Variants in CEP85L observed in about 807,000 individuals in gnomAD.
CEP85L encodes the protein centrosomal protein 85L, also known as centrosomal protein of 85 kDa-like.
CEP85L carries 60 observed loss-of-function variants against 100.3 expected under a neutral mutation model. The ratio of observed to expected loss-of-function variants is 0.60; its 90% CI spans 0.49 to 0.74. The LOEUF (loss-of-function observed/expected upper bound fraction) is 0.74. Among genes scored for constraint, CEP85L ranks in the 30% least tolerant of loss-of-function variants. CEP85L has a pLI of 0.00. For synonymous variants in CEP85L, 319 were observed against 322.7 expected (o/e 0.99, Z 0.12); for missense variants, 973 against 936.2 (o/e 1.04, Z -0.51).
In CEP85L at chr6:118,464,511, A is replaced by G. The variant is rs1262316534; in HGVS notation, c.*894T>C. 1 of 152,088 alleles carries G rather than the reference A, an allele frequency of 6.6e-6. No individual in the cohort carries two copies. The highest frequency in any genetic ancestry group is 1.5e-5 in the Non-Finnish European group (1 of 67,976). The allele number at this position is 152,088 out of a possible 1,614,324, so 9.4% of individuals were successfully genotyped here. A position where few individuals can be genotyped will look rare whatever the true frequency, so the allele number is the denominator to read the frequency against. The stretch of plus-strand genomic sequence containing the variant: ...ATTTGGATAAGTAAGCTATTGTTCC[A>G]GGGTAACTTTGTTAATCTTCCTTTT... On this transcript the variant is annotated 3_prime_UTR_variant, in exon 13 of 13. Transcript: ENST00000368491.
rs543930105 is a variant in CEP85L, at chr6:118,494,043, G to C, written c.1258-2178C>G. 2.0e-5 allele frequency among the ~76,000 whole-genome samples: 3 copies of C among 152,242 alleles called. No homozygotes were observed. In the South Asian group the frequency reaches 6.2e-4, roughly 32 times the overall value. On this transcript the variant is annotated intron_variant, in intron 5 of 12. Transcript: ENST00000368491. ...CTTCTAAAGTCTGTGAGAGAAATGA[G>C]GTTACAGGGCAAACTGCTGCCTCCA...
chr6:118,590,492 T>C (rs998779142), intron 2 of CEP85L, among the ~76,000 whole-genome samples: 1 of 152,172 alleles, frequency 6.6e-6, no homozygotes, highest in Non-Finnish European at 1.5e-5. Context: ...CATAGCCCCC[T>C]GCATTTGCAT....
chr6:118,464,601 T>C lies in CEP85L; in HGVS notation c.*804A>G, dbSNP rs184261187. The C allele has an allele frequency of 2.7e-3, 406 of 151,850 alleles. 3 individuals carry two copies. Among genetic ancestry groups the C allele is most frequent in the African/African-American group, 9.5e-3 (392 of 41,474 alleles). The allele number at this position is 151,850 out of a possible 1,614,324, so 9.4% of individuals were successfully genotyped here. ...TTGTTTACATTTATATATGTATATA[T>C]ATAAAACATATAAATAAAAAATTGT... On this transcript the variant is annotated 3_prime_UTR_variant, in exon 13 of 13. Coordinates refer to ENST00000368491, the MANE Select transcript of CEP85L (RefSeq NM_001042475.3).
intron 3 of CEP85L, among the ~76,000 whole-genome samples, chr6:118,563,442 G>C (rs372495394): frequency 4.0e-4 from 61 of 152,160 alleles, no homozygotes; most frequent in African/African-American, 1.4e-3. Context: ...GGTTTTATTA[G>C]ATTATGACTT....
intron 1 of CEP85L, among the ~76,000 whole-genome samples, chr6:118,708,442 A>T (rs994419695): frequency 3.9e-5 from 6 of 152,264 alleles, no homozygotes; most frequent in Admixed American, 6.5e-5. Flanking sequence ...AAGATAACCC[A>T]TAAACTTTTC....
chr6:118,670,436 T>TTTGTTG (rs758673599), intron 1 of CEP85L, among the ~76,000 whole-genome samples: 62 of 151,918 alleles, frequency 4.1e-4, no homozygotes, highest in Non-Finnish European at 7.5e-4. Context: ...TGTGTTTCCT[T>TTTGTTG]TTGTTGTTGT....
intron 5 of CEP85L, among the ~76,000 whole-genome samples, chr6:118,493,051 A>G (rs755044873): frequency 2.0e-5 from 3 of 152,168 alleles, no homozygotes; most frequent in Non-Finnish European, 4.4e-5. Context: ...TGAATATGGT[A>G]GCCAAATAAA....
In CEP85L at chr6:118,523,902, G is replaced by A. The variant is rs533727346; in HGVS notation, c.1039C>T (p.Arg347Cys). 1.4e-5 allele frequency: 22 copies of A among 1,592,410 alleles called. No individual in the cohort carries two copies. The highest frequency in any genetic ancestry group is 6.7e-5 in the African/African-American group (5 of 74,444). The change falls in exon 4 of 13, where the codon CGT becomes TGT. Residue 347 changes from arginine (R) to cysteine (C), a missense_variant. Transcript: ENST00000368491. ...TPMQVLTGSS[R>C]QSYSPGYQDF... ...TGATAGCCAGGTGAATAACTTTGAC[G>A]AGATGATCCAGTCAAAACCTGCAGA...
chr6:118,607,636 C>T (rs1425611590), intron 2 of CEP85L, among the ~76,000 whole-genome samples: 1 of 151,908 alleles, frequency 6.6e-6, no homozygotes, highest in Non-Finnish European at 1.5e-5. Context: ...AGCATCCTTG[C>T]CTTTTATTAA....
chr6:118,666,819 T>C (rs1776147217), intron 1 of CEP85L, among the ~76,000 whole-genome samples: 1 of 151,802 alleles, frequency 6.6e-6, no homozygotes, highest in Non-Finnish European at 1.5e-5. Context: ...GTCTGCTCCC[T>C]GAAAATGACC....
intron 5 of CEP85L, chr6:118,501,828 G>T: frequency 7.7e-7 from 1 of 1,292,942 alleles, no homozygotes. Context: ...GAGAGAGAGA[G>T]AGAGGACTCT....
chr6:118,683,564 A>G (rs888993827), intron 1 of CEP85L, among the ~76,000 whole-genome samples: 16 of 152,216 alleles, frequency 1.1e-4, no homozygotes, highest in Non-Finnish European at 1.9e-4. Flanking sequence ...ATCCTAGTGC[A>G]TTCGCAGTGT....
At chr6:118,543,916 G>A (rs574873901) in intron 3 of CEP85L, among the ~76,000 whole-genome samples, 53 of 152,304 alleles carry the variant, frequency 3.5e-4, no homozygotes, top group Middle Eastern at 3.4e-3. Context: ...GTTAATAAAC[G>A]TCTATGAAAG....
chr6:118,680,004 G>T (rs189320309), intron 1 of CEP85L, among the ~76,000 whole-genome samples: 2 of 151,802 alleles, frequency 1.3e-5, no homozygotes, highest in African/African-American at 4.8e-5. Context: ...AAAAAAAGAT[G>T]GCAGGGTACA....
chr6:118,598,408 A>T (rs1781561578), intron 2 of CEP85L, among the ~76,000 whole-genome samples: 1 of 152,166 alleles, frequency 6.6e-6, no homozygotes, highest in Non-Finnish European at 1.5e-5. Context: ...ATGTGACCTT[A>T]TTTGGAAATA....
At chr6:118,552,706 C>T (rs1214927576) in intron 3 of CEP85L, among the ~76,000 whole-genome samples, 1 of 151,250 alleles carries the variant, frequency 6.6e-6, no homozygotes, top group African/African-American at 2.4e-5. Flanking sequence ...GAAAGGACGA[C>T]AACCAAAGGA....
intron 4 of CEP85L, among the ~76,000 whole-genome samples, chr6:118,521,166 C>A (rs1222281260): frequency 6.6e-6 from 1 of 152,198 alleles, no homozygotes; most frequent in Non-Finnish European, 1.5e-5. Context: ...ACTTTCAATT[C>A]CATCCAATTG....
At chr6:118,589,281 T>C (rs1436963187) in intron 2 of CEP85L, 2 of 233,072 alleles carry the variant, frequency 8.6e-6, no homozygotes, top group East Asian at 1.1e-4. Flanking sequence ...CCAACTTTCA[T>C]GTACAATAAA....
intron 1 of CEP85L, among the ~76,000 whole-genome samples, chr6:118,658,399 A>G (rs1055956781): frequency 3.3e-5 from 5 of 152,314 alleles, no homozygotes; most frequent in South Asian, 4.1e-4. Context: ...TTAATTTTCT[A>G]TTGTGTAACC....
Sources: gnomAD v4.1 joint callset for allele counts (sites outside exome capture counted in the v4.1 genomes callset) on GRCh38, gnomAD v4.1.1 for gene constraint, MANE v1.5 for transcripts, NCBI Gene and HGNC (gene_info 2026-07-23, HGNC 2026-07-21) for gene names.